DCAF1: variants seen among roughly 807,000 people sequenced by gnomAD.
DCAF1 encodes the protein DDB1- and CUL4-associated factor 1.
Under a neutral mutation model 128.0 loss-of-function variants are expected in DCAF1, and 15 were observed. The ratio of observed to expected loss-of-function variants is 0.12; its 90% CI spans 0.08 to 0.18. DCAF1 has a LOEUF of 0.18. DCAF1 is among the 10% of genes least tolerant of loss of function. The pLI is 1.00. For missense variants in DCAF1, 988 were observed against 1,649.5 expected, an observed-to-expected ratio of 0.60 and a Z score of 6.95; for synonymous variants, 610 against 603.0, an observed-to-expected ratio of 1.01 and a Z score of -0.17.
intron 3 of DCAF1, among the ~76,000 whole-genome samples, chr3:51,473,211 G>A (rs1704972331): frequency 6.7e-6 from 1 of 150,158 alleles, no homozygotes; most frequent in East Asian, 2.0e-4. Context: ...AGGAGGCGGA[G>A]GTTGTACTCC....
intron 13 of DCAF1, among the ~76,000 whole-genome samples, chr3:51,423,819 C>CAAAAAAA (rs200404018): frequency 1.4e-5 from 1 of 70,658 alleles, no homozygotes; most frequent in Non-Finnish European, 3.2e-5. Flanking sequence ...GACTCCGTTT[C>CAAAAAAA]AAAAAAAAAA....
At chr3:51,477,885 C>T (rs1287160601) in intron 3 of DCAF1, among the ~76,000 whole-genome samples, 1 of 151,978 alleles carries the variant, frequency 6.6e-6, no homozygotes, top group Non-Finnish European at 1.5e-5. Context: ...ATTTACAAAC[C>T]TTCCCATTCC....
At chr3:51,480,288 C>T (rs1706012920) in intron 3 of DCAF1, among the ~76,000 whole-genome samples, 1 of 151,776 alleles carries the variant, frequency 6.6e-6, no homozygotes, top group Non-Finnish European at 1.5e-5. Flanking sequence ...TGTAAAGGCA[C>T]AAAGACATTA....
chr3:51,450,792 CTTT>C (rs1702267418), intron 6 of DCAF1, among the ~76,000 whole-genome samples: 1 of 152,078 alleles, frequency 6.6e-6, no homozygotes, highest in South Asian at 2.1e-4. Flanking sequence ...AAGGTGTCCA[CTTT>C]TGCCACTTCT....
intron 2 of DCAF1, among the ~76,000 whole-genome samples, chr3:51,492,026 C>G (rs1307354406): frequency 6.6e-6 from 1 of 151,274 alleles, no homozygotes; most frequent in Non-Finnish European, 1.5e-5. Flanking sequence ...TGTGGTGGCA[C>G]ACACTGGTAG....
intron 2 of DCAF1, among the ~76,000 whole-genome samples, chr3:51,488,107 C>T (rs1458458713): frequency 6.6e-6 from 1 of 151,970 alleles, no homozygotes; most frequent in Non-Finnish European, 1.5e-5. Context: ...TCACACAACC[C>T]GCCTGCCTCG....
At chr3:51,456,502 C>G (rs538206279) in intron 6 of DCAF1, among the ~76,000 whole-genome samples, 167 of 152,324 alleles carry the variant, frequency 1.1e-3, no homozygotes, top group African/African-American at 3.9e-3. Flanking sequence ...CACAGACAAA[C>G]AAAAAGACAG....
chr3:51,464,287 A>G (rs1433458803), intron 5 of DCAF1, among the ~76,000 whole-genome samples: 1 of 151,752 alleles, frequency 6.6e-6, no homozygotes, highest in East Asian at 1.9e-4. Context: ...ATGTATTAAT[A>G]AAAGTCTCCA....
intron 3 of DCAF1, among the ~76,000 whole-genome samples, chr3:51,479,700 G>A (rs1167288237): frequency 6.6e-6 from 1 of 152,118 alleles, no homozygotes; most frequent in Non-Finnish European, 1.5e-5. Flanking sequence ...GGAAGCTGAG[G>A]CAGGAGAATG....
At chr3:51,458,453 A>C (rs1164221864) in intron 6 of DCAF1, among the ~76,000 whole-genome samples, 1 of 152,150 alleles carries the variant, frequency 6.6e-6, no homozygotes, top group Admixed American at 6.5e-5. Flanking sequence ...AGACTCCCAC[A>C]CAATAATAAT....
chr3:51,414,144 TG>T, intron 19 of DCAF1, 101 bp from the exon 20 acceptor site: 1 of 1,406,684 alleles, frequency 7.1e-7, no homozygotes, highest in Non-Finnish European at 9.4e-7. Flanking sequence ...TGCCAGGTAT[TG>T]ATACTTTAAA....
At chr3:51,482,796 CCAAA>C (rs1289835618) in intron 3 of DCAF1, among the ~76,000 whole-genome samples, 3 of 149,690 alleles carry the variant, frequency 2.0e-5, no homozygotes, top group African/African-American at 4.9e-5. Context: ...GATACATTCA[CCAAA>C]CAGTTGGGAA....
rs566550363 is a variant in DCAF1, at chr3:51,409,836, C to T, written c.4212+2543G>A. 6.4e-4 allele frequency among the ~76,000 whole-genome samples: 97 copies of T among 152,246 alleles called. 2 individuals are homozygous for T. In the Middle Eastern group the frequency reaches 0.01, roughly 16 times the overall value. On this transcript the variant is annotated intron_variant, in intron 23 of 24. Coordinates refer to ENST00000684031, the MANE Select transcript of DCAF1 (RefSeq NM_001387579.1). The stretch of plus-strand genomic sequence containing the variant: ...TATTAAGAAACCCACTCAAGGCAAC[C>T]ACATGAAATTTGGAGGACCTAATAC...
intron 6 of DCAF1, among the ~76,000 whole-genome samples, chr3:51,456,410 C>A (rs1339625135): frequency 6.6e-6 from 1 of 152,208 alleles, no homozygotes; most frequent in African/African-American, 2.4e-5. Context: ...AACAAAGCAG[C>A]CCGGAAGCTC....
chr3:51,473,701 T>C (rs1485941710), intron 3 of DCAF1, among the ~76,000 whole-genome samples: 2 of 151,972 alleles, frequency 1.3e-5, no homozygotes, highest in Non-Finnish European at 2.9e-5. Context: ...TTTTTGTAGT[T>C]GGGGATTTGC....
intron 23 of DCAF1, among the ~76,000 whole-genome samples, chr3:51,405,490 A>G (rs1553626306): frequency 6.6e-6 from 1 of 152,230 alleles, no homozygotes; most frequent in African/African-American, 2.4e-5. Context: ...CCACAAACAC[A>G]TATGTGACCA....
intron 23 of DCAF1, among the ~76,000 whole-genome samples, chr3:51,405,148 G>A (rs2090014294): frequency 6.6e-6 from 1 of 152,214 alleles, no homozygotes; most frequent in South Asian, 2.1e-4. Context: ...AAGGCTTCGT[G>A]GACAGAACAC....
At chr3:51,413,452 A>C (rs1328848832) in intron 20 of DCAF1, 66 bp from the exon 21 acceptor site, 1 of 1,550,190 alleles carries the variant, frequency 6.5e-7, no homozygotes, top group African/African-American at 1.4e-5. Context: ...ACAAGTGCAG[A>C]AAATGTTAAT....
upstream of DCAF1, among the ~76,000 whole-genome samples, chr3:51,504,592 C>G (rs930556693): frequency 1.3e-5 from 2 of 152,156 alleles, no homozygotes; most frequent in South Asian, 2.1e-4. Context: ...AAGTGATCCA[C>G]CCACCTTGGC....
Sources: gnomAD v4.1 joint callset for allele counts (sites outside exome capture counted in the v4.1 genomes callset) on GRCh38, gnomAD v4.1.1 for gene constraint, MANE v1.5 for transcripts, NCBI Gene and HGNC (gene_info 2026-07-23, HGNC 2026-07-21) for gene names.